The following TEX14 variants were observed in gnomAD, a reference collection of about 807,000 sequenced individuals.
The protein encoded by TEX14 is testis expressed 14, intercellular bridge forming factor, also known as inactive serine/threonine-protein kinase TEX14.
TEX14 carries 168 observed loss-of-function variants against 178.6 expected under a neutral mutation model. The observed-to-expected ratio is 0.94, with a 90% CI of 0.83 to 1.07. The LOEUF is 1.07. Among genes scored for constraint, TEX14 ranks in the 50% least tolerant of loss-of-function variants. The pLI is 0.00. For missense variants in TEX14, 1,730 were observed against 1,753.6 expected (o/e 0.99, Z 0.24); for synonymous variants, 626 against 634.1 (o/e 0.99, Z 0.19).
chr17:58,661,496 G>C (rs1361348538), intron 1 of TEX14: 1 of 781,158 alleles, frequency 1.3e-6, no homozygotes, highest in Non-Finnish European at 2.4e-6. Context: ...TCGGGAACCG[G>C]TGGGTTCAGT....
intron 7 of TEX14, among the ~76,000 whole-genome samples, chr17:58,615,771 C>T (rs302859): frequency 0.64 from 96,752 of 151,990 alleles, 31,166 homozygotes; most frequent in African/African-American, 0.71. Context: ...AGAGGCAAGA[C>T]AGTCACTACC....
chr17:58,613,329 C>G, intron 9 of TEX14, 92 bp downstream of exon 9: 1 of 1,493,004 alleles, frequency 6.7e-7, no homozygotes, highest in Non-Finnish European at 9.2e-7. Context: ...TCCATGCATG[C>G]AGAAATGGGA....
chr17:58,570,616 CTTTTTTTTTTTTTT>C (rs71143252), intron 24 of TEX14, 132 bp from the exon 25 acceptor site: 3 of 86,184 alleles, frequency 3.5e-5, no homozygotes, highest in African/African-American at 2.2e-4. Context: ...GGGAAGCCTC[CTTTTTTTTTTTTTT>C]TTTTTTTTTT....
In TEX14 at chr17:58,609,080, G is replaced by T. The variant is rs928670729; in HGVS notation, c.1184+2081C>A. 7.9e-5 allele frequency among the ~76,000 whole-genome samples: 12 copies of T among 152,322 alleles called. No individual in the cohort carries two copies. In the East Asian group the frequency reaches 2.3e-3, roughly 29 times the overall value. ...CCTCTGCCTGTTCCCATCTAGAAAAGTGTCATGGCTCCGGTCATACCCTAA... is the reference window on the plus strand; with the variant it reads ...CCTCTGCCTGTTCCCATCTAGAAAATTGTCATGGCTCCGGTCATACCCTAA... On this transcript the variant is annotated intron_variant, in intron 10 of 31. Coordinates refer to ENST00000349033, the MANE Select transcript of TEX14 (RefSeq NM_031272.5).
chr17:58,570,353 A>G lies in TEX14; in HGVS notation c.3817+32T>C, dbSNP rs778578138. On this transcript the variant is annotated intron_variant, in intron 25 of 31. Coordinates refer to ENST00000349033, the MANE Select transcript of TEX14 (RefSeq NM_031272.5). Reference sequence around the variant, plus strand: ...CATCAATTTAAGCCTCCTTGATTATAAACTTCTATTTTGATATTAAACACA... The same window carrying G: ...CATCAATTTAAGCCTCCTTGATTATGAACTTCTATTTTGATATTAAACACA... The G allele has an allele frequency of 2.9e-6, 4 of 1,392,638 alleles. No individual in the cohort carries two copies. In the East Asian group the frequency reaches 8.2e-5, roughly 29 times the overall value. The allele number at this position is 1,392,638 out of a possible 1,614,324, so 86.3% of individuals were successfully genotyped here.
chr17:58,631,702 A>T (rs542274079), intron 2 of TEX14: 8 of 151,558 alleles, frequency 5.3e-5, no homozygotes, highest in Non-Finnish European at 1.0e-4. Context: ...AGTTAGAATA[A>T]CGCAACACCA....
intron 2 of TEX14, among the ~76,000 whole-genome samples, chr17:58,649,838 C>T (rs1217038728): frequency 6.6e-6 from 1 of 151,980 alleles, no homozygotes; most frequent in Non-Finnish European, 1.5e-5. Flanking sequence ...CTCCCAGGTT[C>T]AAGTGATTCT....
intron 13 of TEX14, among the ~76,000 whole-genome samples, chr17:58,601,432 G>A (rs1358372172): frequency 6.6e-6 from 1 of 150,810 alleles, no homozygotes; most frequent in Admixed American, 6.6e-5. Flanking sequence ...TGAGGCAGGA[G>A]AATTGCTTGA....
intron 19 of TEX14, among the ~76,000 whole-genome samples, chr17:58,582,264 T>C (rs569256533): frequency 2.6e-5 from 4 of 152,286 alleles, no homozygotes; most frequent in African/African-American, 9.6e-5. Flanking sequence ...TTATATTTAC[T>C]TATTTATTTT....
intron 10 of TEX14, 23 bp downstream of exon 10, chr17:58,611,138 G>A: frequency 6.3e-7 from 1 of 1,594,958 alleles, no homozygotes; most frequent in Non-Finnish European, 8.6e-7. Context: ...TCAGGAGAAA[G>A]TCCCACTCCA....
At chr17:58,615,859 C>T (rs1011785226) in intron 7 of TEX14, among the ~76,000 whole-genome samples, 1 of 152,162 alleles carries the variant, frequency 6.6e-6, no homozygotes, top group Non-Finnish European at 1.5e-5. Context: ...TGGTTCTCCC[C>T]CAGAAACCTA....
intron 11 of TEX14, 91 bp from the exon 12 acceptor site, chr17:58,602,681 G>C: frequency 6.2e-6 from 6 of 969,840 alleles, no homozygotes; most frequent in Non-Finnish European, 9.1e-6. Context: ...GGTAACCTTA[G>C]GCAAGTCACT....
chr17:58,654,796 C>T (rs149611608), intron 1 of TEX14, among the ~76,000 whole-genome samples: 24 of 151,854 alleles, frequency 1.6e-4, no homozygotes, highest in African/African-American at 2.9e-4. Flanking sequence ...AGTGAGCCAC[C>T]GCACCTGGCC....
At position 58,569,374 on chromosome 17, in the gene TEX14, A is replaced by G; in HGVS notation, c.3818-114T>C. ...TGAGGATTTCTCTCAATGATGAAAC[A>G]AACTAAGGAGGAAGGAAGCCTCTTA... On this transcript the variant is annotated intron_variant, in intron 25 of 31. Coordinates refer to ENST00000349033, the MANE Select transcript of TEX14 (RefSeq NM_031272.5). This position sits in a 1 kb window ranked among gnomAD's most constrained non-coding sequence, Gnocchi z 4.1. 1 of 765,108 alleles carries G rather than the reference A, an allele frequency of 1.3e-6. No homozygotes were observed. The highest frequency in any genetic ancestry group is 1.7e-5 in the South Asian group (1 of 60,398). 47.4% of individuals were successfully genotyped at this position (765,108 alleles called of 1,614,324 possible).
intron 3 of TEX14, 39 bp from the exon 4 acceptor site, chr17:58,623,051 T>C (rs537781333): frequency 3.2e-6 from 5 of 1,557,142 alleles, no homozygotes; most frequent in Non-Finnish European, 4.4e-6. Flanking sequence ...TCCATGGCAA[T>C]GCTCCTGCAT....
chr17:58,561,425 A>G lies in TEX14; in HGVS notation c.4157+95T>C, dbSNP rs1039860287. ...AGGGCTGGCTTATCTAAATCAATGT[A>G]ATGCCATCATCAGGCATTCATTCTC... On this transcript the variant is annotated intron_variant, in intron 29 of 31. Coordinates refer to ENST00000349033, the MANE Select transcript of TEX14 (RefSeq NM_031272.5). 4.7e-6 allele frequency: 4 copies of G among 848,166 alleles called. No homozygotes were observed. In the African/African-American group the frequency reaches 6.7e-5, roughly 14 times the overall value. The allele number at this position is 848,166 out of a possible 1,614,324, so 52.5% of individuals were successfully genotyped here. A position where few individuals can be genotyped will look rare whatever the true frequency, so the allele number is the denominator to read the frequency against.
At chr17:58,655,682 C>T (rs1598422711) in intron 1 of TEX14, among the ~76,000 whole-genome samples, 1 of 152,240 alleles carries the variant, frequency 6.6e-6, no homozygotes. Context: ...AAAAGCTGGA[C>T]CTCATTCTGT....
At chr17:58,600,352 A>C (rs145745151) in intron 13 of TEX14, among the ~76,000 whole-genome samples, 22 of 151,804 alleles carry the variant, frequency 1.4e-4, no homozygotes, top group African/African-American at 5.1e-4. Flanking sequence ...GGTGACCAAC[A>C]TGGTGACCAC....
At chr17:58,557,762 A>G in intron 31 of TEX14, 37 bp downstream of exon 31, 1 of 1,562,610 alleles carries the variant, frequency 6.4e-7, no homozygotes, top group Non-Finnish European at 8.8e-7. Flanking sequence ...GTCTATAAAC[A>G]TGACTTTTGA....
Sources: gnomAD v4.1 joint callset for allele counts (sites outside exome capture counted in the v4.1 genomes callset) on GRCh38, gnomAD v4.1.1 for gene constraint, Gnocchi (gnomAD v3.1) non-coding constraint, MANE v1.5 for transcripts, NCBI Gene and HGNC (gene_info 2026-07-23, HGNC 2026-07-21) for gene names.